Variants in INVS observed in about 807,000 individuals in gnomAD.
INVS encodes inversin.
Under a neutral mutation model 108.8 loss-of-function variants are expected in INVS, and 86 were observed. The ratio of observed to expected loss-of-function variants is 0.79; its 90% CI spans 0.66 to 0.95. The LOEUF is 0.95. Among genes scored for constraint, INVS ranks in the 40% least tolerant of loss-of-function variants. INVS has a pLI of 0.00. For synonymous variants in INVS, 455 were observed against 473.5 expected, an observed-to-expected ratio of 0.96 and a Z score of 0.51; for missense variants, 1,169 against 1,297.4, an observed-to-expected ratio of 0.90 and a Z score of 1.52.
chr9:100,251,998 G>T (rs1186913517), intron 8 of INVS, among the ~76,000 whole-genome samples: 1 of 152,136 alleles, frequency 6.6e-6, no homozygotes, highest in East Asian at 1.9e-4. Flanking sequence ...GCTGAAAAGA[G>T]AAAACTAGTA....
intron 5 of INVS, 88 bp downstream of exon 5, chr9:100,229,915 G>C: frequency 7.9e-7 from 1 of 1,265,884 alleles, no homozygotes; most frequent in Non-Finnish European, 1.1e-6. Context: ...TATATTTGAC[G>C]TACAAGCAAA....
intron 3 of INVS, chr9:100,175,577 G>T: frequency 1.4e-6 from 1 of 712,644 alleles, no homozygotes; most frequent in South Asian, 1.4e-5. Context: ...TCCAGAACCA[G>T]AGAATAAAAT....
At chr9:100,169,201 G>A (rs1257537399) in intron 3 of INVS, among the ~76,000 whole-genome samples, 1 of 152,126 alleles carries the variant, frequency 6.6e-6, no homozygotes, top group Non-Finnish European at 1.5e-5. Flanking sequence ...GAAGAATTAT[G>A]CATTGGCTAA....
chr9:100,116,029 C>G (rs1323017962), intron 2 of INVS, among the ~76,000 whole-genome samples: 1 of 151,902 alleles, frequency 6.6e-6, no homozygotes, highest in South Asian at 2.1e-4. Context: ...TTTTGATTTG[C>G]ATTTCTCTGA....
rs189014227 is a variant in INVS, at chr9:100,135,080, G to C, written c.273+8531G>C. 2.6e-3 allele frequency among the ~76,000 whole-genome samples: 389 copies of C among 152,286 alleles called. 1 individual carries two copies. Among genetic ancestry groups the C allele is most frequent in the African/African-American group, 8.8e-3 (366 of 41,574 alleles). On this transcript the variant is annotated intron_variant, in intron 3 of 16. Transcript: ENST00000262457. ...CTGAAAATGTTCTGGATCGGTGTGTGTGTTGGTTACATTAAAAGGTACCAG... is the reference window on the plus strand; with the variant it reads ...CTGAAAATGTTCTGGATCGGTGTGTCTGTTGGTTACATTAAAAGGTACCAG...
At chr9:100,110,549 ATC>A (rs1359697477) in intron 2 of INVS, among the ~76,000 whole-genome samples, 10 of 152,200 alleles carry the variant, frequency 6.6e-5, no homozygotes, top group Admixed American at 6.5e-4. Context: ...ATGAATGATT[ATC>A]TAGATGGGAT....
chr9:100,258,419 G>A (rs1171283525), intron 10 of INVS, among the ~76,000 whole-genome samples: 1 of 152,186 alleles, frequency 6.6e-6, no homozygotes, highest in African/African-American at 2.4e-5. Flanking sequence ...ACTCGTCAAA[G>A]TCATTCTCCA....
At chr9:100,294,351 G>A (rs1322500725) in intron 14 of INVS, among the ~76,000 whole-genome samples, 1 of 152,198 alleles carries the variant, frequency 6.6e-6, no homozygotes, top group Non-Finnish European at 1.5e-5. Flanking sequence ...TAGATTCCCA[G>A]GAGGTCCAGG....
At position 100,177,048 on chromosome 9, in the gene INVS, G is replaced by T. The variant is rs1361021351; in HGVS notation, c.274-49014G>T. Among the ~76,000 whole-genome samples, 3 of 151,704 alleles carry T rather than the reference G, an allele frequency of 2.0e-5. No homozygotes were observed. The East Asian group carries it at 5.8e-4, about 29-fold the overall frequency. On this transcript the variant is annotated intron_variant, in intron 3 of 16. Transcript: ENST00000262457. ...AAGACATGATGATGCCCTAACCAAG[G>T]GAAACCGTGAGGCACTGTGCCATGA... is the stretch of plus-strand genomic sequence containing the variant.
chr9:100,195,768 G>A (rs1465339674), intron 3 of INVS, among the ~76,000 whole-genome samples: 2 of 152,014 alleles, frequency 1.3e-5, no homozygotes, highest in Admixed American at 6.6e-5. Flanking sequence ...GATTACAGGC[G>A]TGAGCCACCA....
intron 11 of INVS, among the ~76,000 whole-genome samples, chr9:100,272,233 T>C (rs1832980307): frequency 6.6e-6 from 1 of 152,206 alleles, no homozygotes; most frequent in South Asian, 2.1e-4. Context: ...TTTTTAATCT[T>C]CCTGGTTTCT....
chr9:100,211,948 T>C (rs1271696664), intron 3 of INVS, among the ~76,000 whole-genome samples: 1 of 152,254 alleles, frequency 6.6e-6, no homozygotes, highest in Non-Finnish European at 1.5e-5. Context: ...ATTTGTTAAG[T>C]ACTTAGAAAT....
chr9:100,222,607 G>T (rs1831186785), intron 3 of INVS, among the ~76,000 whole-genome samples: 1 of 152,136 alleles, frequency 6.6e-6, no homozygotes, highest in Non-Finnish European at 1.5e-5. Flanking sequence ...CAAGCACTGT[G>T]TCTATAGCTC....
At chr9:100,205,501 G>T (rs1830647346) in intron 3 of INVS, among the ~76,000 whole-genome samples, 1 of 151,896 alleles carries the variant, frequency 6.6e-6, no homozygotes, top group Non-Finnish European at 1.5e-5. Context: ...CAGTTAAATT[G>T]GTTATTGATG....
chr9:100,229,044 A>G (rs1375080942), intron 4 of INVS, among the ~76,000 whole-genome samples: 2 of 152,252 alleles, frequency 1.3e-5, no homozygotes, highest in Non-Finnish European at 2.9e-5. Context: ...ATGCAACAGC[A>G]AAACCAGCAT....
At chr9:100,223,493 C>G (rs1268417013) in intron 3 of INVS, among the ~76,000 whole-genome samples, 1 of 152,130 alleles carries the variant, frequency 6.6e-6, no homozygotes, top group African/African-American at 2.4e-5. Context: ...TATTAGGCAC[C>G]TATTCTGTGC....
At chr9:100,172,487 T>C (rs1829572466) in intron 3 of INVS, among the ~76,000 whole-genome samples, 2 of 152,210 alleles carry the variant, frequency 1.3e-5, no homozygotes. Context: ...ACTACTTCTC[T>C]AAAATCTTTT....
chr9:100,240,524 C>T (rs1380789992), intron 6 of INVS, among the ~76,000 whole-genome samples: 1 of 152,034 alleles, frequency 6.6e-6, no homozygotes, highest in Non-Finnish European at 1.5e-5. Context: ...TCACATTCAG[C>T]GCCTATATTT....
intron 3 of INVS, among the ~76,000 whole-genome samples, chr9:100,224,351 T>A (rs1284035907): frequency 6.6e-6 from 1 of 152,060 alleles, no homozygotes; most frequent in Non-Finnish European, 1.5e-5. Flanking sequence ...ATCCTCTGAA[T>A]AGGGAGAGAT....
Sources: allele counts gnomAD v4.1 joint callset (sites outside exome capture counted in the v4.1 genomes callset), GRCh38; gene constraint gnomAD v4.1.1; transcripts MANE v1.5; gene names NCBI Gene and HGNC (gene_info 2026-07-23, HGNC 2026-07-21).